Variants in NEGR1 observed in about 807,000 individuals in gnomAD.
NEGR1 encodes the protein IgLON family member 4.
NEGR1 carries 10 observed loss-of-function variants against 40.9 expected under a neutral mutation model. The observed-to-expected ratio is 0.24, with a 90% confidence interval of 0.15 to 0.42. NEGR1 has a LOEUF of 0.42. Among genes scored for constraint, NEGR1 ranks in the 10% least tolerant of loss-of-function variants. NEGR1 has a pLI of 1.00. For synonymous variants in NEGR1, 185 were observed against 166.8 expected (o/e 1.11, Z -0.84); for missense variants, 352 against 438.9 (o/e 0.80, Z 1.77).
At chr1:71,998,352 A>G (rs540715382) in intron 1 of NEGR1, among the ~76,000 whole-genome samples, 2 of 152,086 alleles carry the variant, frequency 1.3e-5, no homozygotes, top group African/African-American at 2.4e-5. Context: ...GGCTTTTTCA[A>G]TAAAAACAAT....
At chr1:71,815,831 T>A (rs1469541880) in intron 2 of NEGR1, among the ~76,000 whole-genome samples, 2 of 152,054 alleles carry the variant, frequency 1.3e-5, no homozygotes, top group Non-Finnish European at 2.9e-5. Context: ...CGACTTTTTT[T>A]ACTTATAATT....
chr1:71,765,979 A>G (rs7556192), intron 3 of NEGR1, among the ~76,000 whole-genome samples: 125,284 of 151,922 alleles, frequency 0.82, 52,893 homozygotes, highest in East Asian at 1. Context: ...TTCGAGACCA[A>G]CCTGACCAAC....
intron 2 of NEGR1, among the ~76,000 whole-genome samples, chr1:71,841,427 C>A (rs1659233547): frequency 6.6e-6 from 1 of 152,074 alleles, no homozygotes; most frequent in Non-Finnish European, 1.5e-5. Context: ...TGTTGTCAAA[C>A]CCCAAATTTG....
At chr1:71,539,404 A>T (rs984558079) in intron 6 of NEGR1, among the ~76,000 whole-genome samples, 14 of 151,770 alleles carry the variant, frequency 9.2e-5, no homozygotes, top group African/African-American at 3.1e-4. Flanking sequence ...TTTGCAAAGG[A>T]AAGCCTACGA....
intron 2 of NEGR1, among the ~76,000 whole-genome samples, chr1:71,815,688 A>G (rs1013667557): frequency 2.0e-5 from 3 of 151,970 alleles, no homozygotes; most frequent in Non-Finnish European, 4.4e-5. Context: ...TTTTTACTAT[A>G]TAACATTGAC....
At chr1:71,442,308 C>T (rs1350464435) in intron 6 of NEGR1, among the ~76,000 whole-genome samples, 1 of 139,490 alleles carries the variant, frequency 7.2e-6, no homozygotes, top group Non-Finnish European at 1.5e-5. Flanking sequence ...AAAACTTTTC[C>T]ATCGTTAAAT....
intron 1 of NEGR1, among the ~76,000 whole-genome samples, chr1:72,213,230 T>TA (rs1330345806): frequency 6.6e-6 from 1 of 151,976 alleles, no homozygotes; most frequent in Non-Finnish European, 1.5e-5. Context: ...ATGCAAGGTG[T>TA]AATCCGCAGA....
chr1:72,059,593 T>A (rs1241542584), intron 1 of NEGR1, among the ~76,000 whole-genome samples: 1 of 151,648 alleles, frequency 6.6e-6, no homozygotes, highest in Non-Finnish European at 1.5e-5. Context: ...TGGATAACCC[T>A]GACAACAAGT....
At chr1:72,269,225 G>A (rs1432976532) in intron 1 of NEGR1, among the ~76,000 whole-genome samples, 1 of 151,506 alleles carries the variant, frequency 6.6e-6, no homozygotes, top group East Asian at 1.9e-4. Context: ...TATTGAAATT[G>A]GAGTACAAGG....
rs564649612 is a variant in NEGR1 at position 72,256,126 on chromosome 1, C to T, written c.176+26193G>A. 6.4e-4 allele frequency among the ~76,000 whole-genome samples: 98 copies of T among 152,328 alleles called. 2 individuals are homozygous for T. In the South Asian group the frequency reaches 0.02, roughly 31 times the overall value. Reference sequence around the variant, plus strand: ...ACAGCATCTGTTTCCTTTACACCTACATGATTGCCAAAAATTAAGTCTTAG... The same window carrying T: ...ACAGCATCTGTTTCCTTTACACCTATATGATTGCCAAAAATTAAGTCTTAG... On this transcript the variant is annotated intron_variant, in intron 1 of 6. Coordinates refer to ENST00000357731, the MANE Select transcript of NEGR1 (RefSeq NM_173808.3).
intron 6 of NEGR1, among the ~76,000 whole-genome samples, chr1:71,574,013 C>T (rs959192918): frequency 1.4e-4 from 21 of 152,026 alleles, no homozygotes; most frequent in Non-Finnish European, 2.8e-4. Flanking sequence ...GTTGGGAATG[C>T]CAAGAATGAA....
intron 1 of NEGR1, among the ~76,000 whole-genome samples, chr1:72,022,908 G>A (rs550576429): frequency 2.0e-5 from 3 of 152,216 alleles, no homozygotes; most frequent in Non-Finnish European, 2.9e-5. Context: ...TTTAAAAGGT[G>A]ACAAGGACTC....
intron 2 of NEGR1, among the ~76,000 whole-genome samples, chr1:71,785,866 A>G (rs933062001): frequency 4.6e-5 from 7 of 152,200 alleles, no homozygotes; most frequent in Non-Finnish European, 1.0e-4. Flanking sequence ...TTTATAAGGT[A>G]AGCCTGCTCA....
At chr1:72,124,532 A>C (rs1351234006) in intron 1 of NEGR1, among the ~76,000 whole-genome samples, 1 of 152,130 alleles carries the variant, frequency 6.6e-6, no homozygotes, top group Non-Finnish European at 1.5e-5. Context: ...CCGTAATTTT[A>C]GGCATATATT....
At chr1:72,022,681 C>T (rs912237278) in intron 1 of NEGR1, among the ~76,000 whole-genome samples, 4 of 151,890 alleles carry the variant, frequency 2.6e-5, no homozygotes, top group Admixed American at 6.6e-5. Flanking sequence ...TTGCTACCAA[C>T]GCTTATTTTA....
chr1:71,659,998 T>A, intron 4 of NEGR1, among the ~76,000 whole-genome samples: 1 of 152,088 alleles, frequency 6.6e-6, no homozygotes, highest in African/African-American at 2.4e-5. Flanking sequence ...AGAATATAAA[T>A]CATTTTACCA....
At chr1:71,903,977 T>C (rs948170753) in intron 2 of NEGR1, among the ~76,000 whole-genome samples, 5 of 151,992 alleles carry the variant, frequency 3.3e-5, no homozygotes, top group African/African-American at 1.2e-4. Context: ...TCAATAACAA[T>C]TGATTTATTA....
rs1371768258 is a variant in NEGR1 at position 71,406,816 on chromosome 1, A to C, written c.*630T>G. On this transcript the variant is annotated 3_prime_UTR_variant, in exon 7 of 7. Coordinates refer to ENST00000357731, the MANE Select transcript of NEGR1 (RefSeq NM_173808.3). ...TATATTAGTTGGAGACAAAGAGAAA[A>C]ATATTATTGTATGAAGGCACACCCA... 1 of 152,470 alleles carries C rather than the reference A, an allele frequency of 6.6e-6. No individual in the cohort carries two copies. Among genetic ancestry groups the C allele is most frequent in the Non-Finnish European group, 1.5e-5 (1 of 67,952 alleles). The allele number at this position is 152,470 out of a possible 1,614,324, so 9.4% of individuals were successfully genotyped here. A position where few individuals can be genotyped will look rare whatever the true frequency, so the allele number is the denominator to read the frequency against.
chr1:71,809,311 A>G (rs1657899141), intron 2 of NEGR1, among the ~76,000 whole-genome samples: 2 of 152,212 alleles, frequency 1.3e-5, no homozygotes, highest in South Asian at 2.1e-4. Context: ...TCTCATCTTT[A>G]GAAATTTACT....
Sources: gnomAD v4.1 joint callset for allele counts (sites outside exome capture counted in the v4.1 genomes callset) on GRCh38, gnomAD v4.1.1 for gene constraint, MANE v1.5 for transcripts, NCBI Gene and HGNC (gene_info 2026-07-23, HGNC 2026-07-21) for gene names.